Variants in MAPT observed in about 807,000 individuals in gnomAD.
MAPT encodes the protein microtubule-associated protein tau.
In MAPT, 34 loss-of-function variants were observed where a neutral mutation model predicts 67.9. The ratio of observed to expected loss-of-function variants is 0.50; its 90% CI spans 0.38 to 0.67. MAPT has a LOEUF of 0.67. Among genes scored for constraint, MAPT ranks in the 30% least tolerant of loss-of-function variants. The probability of loss-of-function intolerance (pLI) is 0.00; values close to 1 mark genes in which losing one functional copy is unlikely to be tolerated. For missense variants in MAPT, 881 were observed against 1,115.2 expected (o/e 0.79, Z 2.99); for synonymous variants, 456 against 464.5 (o/e 0.98, Z 0.23).
At chr17:45,934,404 A>T (rs796661509) in intron 1 of MAPT, among the ~76,000 whole-genome samples, 19 of 152,326 alleles carry the variant, frequency 1.2e-4, no homozygotes, top group African/African-American at 4.6e-4. Flanking sequence ...TAAATACAGT[A>T]TGTTGAATCA....
At chr17:45,938,679 A>G (rs2067578672) in intron 1 of MAPT, among the ~76,000 whole-genome samples, 1 of 151,866 alleles carries the variant, frequency 6.6e-6, no homozygotes, top group Admixed American at 6.6e-5. Context: ...GTCTCACTCT[A>G]TGGTTCAGGC....
At chr17:46,007,575 G>C (rs546431469) in intron 9 of MAPT, among the ~76,000 whole-genome samples, 20 of 152,094 alleles carry the variant, frequency 1.3e-4, no homozygotes, top group Non-Finnish European at 2.6e-4. Context: ...CAGCAAAAAG[G>C]GGGTAAAGGA....
chr17:45,946,126 T>C (rs1053976051), intron 1 of MAPT, among the ~76,000 whole-genome samples: 1 of 151,994 alleles, frequency 6.6e-6, no homozygotes, highest in Non-Finnish European at 1.5e-5. Flanking sequence ...GCTCTGGTTT[T>C]CTTGATTCTG....
At chr17:45,909,783 G>A (rs2064616220) in intron 1 of MAPT, among the ~76,000 whole-genome samples, 1 of 145,554 alleles carries the variant, frequency 6.9e-6, no homozygotes, top group Admixed American at 7.4e-5. Context: ...AGACAGGAGA[G>A]AATCGCTTGA....
chr17:45,974,429 G>A (rs2072091371), intron 3 of MAPT: 2 of 1,610,786 alleles, frequency 1.2e-6, no homozygotes, highest in African/African-American at 1.3e-5. Flanking sequence ...CGGCAAGCAG[G>A]CTGCCGCGCA....
At chr17:45,968,414 G>A (rs1432769087) in intron 2 of MAPT, among the ~76,000 whole-genome samples, 4 of 152,256 alleles carry the variant, frequency 2.6e-5, no homozygotes, top group African/African-American at 9.6e-5. Context: ...TGCCCAGGAG[G>A]CTGGAAGATG....
intron 1 of MAPT, among the ~76,000 whole-genome samples, chr17:45,960,841 CAAAAA>C (rs58287898): frequency 2.1e-5 from 3 of 142,430 alleles, no homozygotes; most frequent in East Asian, 2.0e-4. Context: ...TCACAGGGGC[CAAAAA>C]AAAAAAAAAA....
At chr17:45,993,014 G>T (rs1409804955) in intron 8 of MAPT, among the ~76,000 whole-genome samples, 1 of 152,040 alleles carries the variant, frequency 6.6e-6, no homozygotes, top group Non-Finnish European at 1.5e-5. Context: ...TTTAGACTCT[G>T]CACCATGTAG....
chr17:45,960,717 C>T (rs1035032103), intron 1 of MAPT, among the ~76,000 whole-genome samples: 4 of 151,952 alleles, frequency 2.6e-5, no homozygotes, highest in African/African-American at 7.3e-5. Flanking sequence ...CTTTGAGAGG[C>T]GGATATGGGA....
At position 46,023,930 on chromosome 17, in the gene MAPT, C is replaced by T. The variant is rs750265762; in HGVS notation, c.2287-26C>T. The T allele has an allele frequency of 1.2e-5, 20 of 1,602,446 alleles. No individual in the cohort carries two copies. The South Asian group carries it at 1.9e-4, about 15-fold the overall frequency. ...GGTCTTTCTCTGGCACTTCATCTCA[C>T]CCTCCCTCCCTTCCTCTTCTTGCAG... On this transcript the variant is annotated intron_variant, in intron 12 of 12. Transcript: ENST00000262410.
At chr17:45,960,653 T>C (rs2070288477) in intron 1 of MAPT, among the ~76,000 whole-genome samples, 1 of 152,172 alleles carries the variant, frequency 6.6e-6, no homozygotes, top group African/African-American at 2.4e-5. Flanking sequence ...ACTGTTTTAC[T>C]CAAAATATGA....
At chr17:45,982,774 C>T (rs1257245162) in intron 4 of MAPT, 92 bp from the exon 5 acceptor site, 8 of 574,886 alleles carry the variant, frequency 1.4e-5, no homozygotes, top group African/African-American at 3.9e-5. Flanking sequence ...GGGATGCCCT[C>T]TCAGTGTCAT....
rs59131080 is a variant in MAPT, at chr17:45,909,869, C to CAAA, written c.-18+15205_-18+15207dup. 2.9e-3 allele frequency among the ~76,000 whole-genome samples: 176 copies of CAAA among 59,856 alleles called. 3 individuals are homozygous for CAAA. Among genetic ancestry groups the CAAA allele is most frequent in the African/African-American group, 5.9e-3 (94 of 15,892 alleles). The allele number at this position is 59,856 out of a possible 152,430, so 39.3% of individuals were successfully genotyped here. On this transcript the variant is annotated intron_variant, in intron 1 of 12. Coordinates refer to ENST00000262410, the MANE Select transcript of MAPT (RefSeq NM_001377265.1). ...TGGTTGACAGAGCAAGACTCTGTCTCAAAAAAAAAAAAAAAAAAAAAAAAG... is the reference window on the plus strand; with the variant it reads ...TGGTTGACAGAGCAAGACTCTGTCTCAAAAAAAAAAAAAAAAAAAAAAAAAAAG...
At chr17:45,989,836 G>A (rs1568290965) in intron 6 of MAPT, 42 bp from the exon 7 acceptor site, 2 of 1,569,688 alleles carry the variant, frequency 1.3e-6, no homozygotes, top group Non-Finnish European at 1.8e-6. Context: ...CCTCCTCCAT[G>A]TGCTGACTTT....
Position 46,024,421 on chromosome 17 carries a change from A to G in MAPT, c.*250A>G. 1.7e-6 allele frequency: 1 copy of G among 576,892 alleles called. No homozygotes were observed. Among genetic ancestry groups the G allele is most frequent in the Non-Finnish European group, 3.1e-6 (1 of 322,798 alleles). The allele number at this position is 576,892 out of a possible 1,614,324, so 35.7% of individuals were successfully genotyped here. A position where few individuals can be genotyped will look rare whatever the true frequency, so the allele number is the denominator to read the frequency against. On this transcript the variant is annotated 3_prime_UTR_variant, in exon 13 of 13. Coordinates refer to ENST00000262410, the MANE Select transcript of MAPT (RefSeq NM_001377265.1). ...CTAGTAATAAAATATTTAAAAAAAA[A>G]CATTCAAAAACATGGCCACATCCAA... is the stretch of plus-strand genomic sequence containing the variant.
chr17:46,018,287 T>C (rs1385344870), intron 11 of MAPT, among the ~76,000 whole-genome samples: 1 of 152,228 alleles, frequency 6.6e-6, no homozygotes, highest in African/African-American at 2.4e-5. Flanking sequence ...TGATGCACAC[T>C]TTGATTATAT....
intron 3 of MAPT, chr17:45,974,300 G>A: frequency 1.1e-6 from 1 of 950,718 alleles, no homozygotes; most frequent in East Asian, 2.6e-5. Context: ...CCTCCTCCCT[G>A]CATTGCTCCT....
At chr17:45,993,065 C>T (rs920141128) in intron 8 of MAPT, among the ~76,000 whole-genome samples, 10 of 152,154 alleles carry the variant, frequency 6.6e-5, no homozygotes, top group African/African-American at 2.4e-4. Flanking sequence ...GCACGGGCAG[C>T]CTATGGCACT....
intron 1 of MAPT, among the ~76,000 whole-genome samples, chr17:45,946,612 A>AAT (rs2068512415): frequency 7.8e-6 from 1 of 128,322 alleles, no homozygotes; most frequent in African/African-American, 3.1e-5. Flanking sequence ...AAAAAAAAAA[A>AAT]AAAATATATA....
Sources: gnomAD v4.1 joint callset for allele counts (sites outside exome capture counted in the v4.1 genomes callset) on GRCh38, gnomAD v4.1.1 for gene constraint, MANE v1.5 for transcripts, NCBI Gene and HGNC (gene_info 2026-07-23, HGNC 2026-07-21) for gene names.